The following VWA3B variants were observed in gnomAD, a reference collection of about 807,000 sequenced individuals.
VWA3B encodes von Willebrand factor A domain-containing protein 3B.
VWA3B carries 138 observed loss-of-function variants against 158.3 expected under a neutral mutation model. That is an observed-to-expected ratio of 0.87 (90% CI 0.76 to 1.00). The LOEUF is 1.00. Ranked by LOEUF, VWA3B falls within the 50% of genes least tolerant of loss-of-function variation. The pLI is 0.00. For missense variants in VWA3B, 1,555 were observed against 1,565.1 expected (o/e 0.99, Z 0.11); for synonymous variants, 596 against 587.3 (o/e 1.01, Z -0.21).
intron 21 of VWA3B, among the ~76,000 whole-genome samples, chr2:98,266,034 A>G (rs1687803684): frequency 6.8e-6 from 1 of 147,434 alleles, no homozygotes; most frequent in Non-Finnish European, 1.5e-5. Context: ...GCTGTGCAGA[A>G]GCTCTTTAGT....
At chr2:98,288,625 A>G (rs1689305975) in intron 22 of VWA3B, among the ~76,000 whole-genome samples, 1 of 152,166 alleles carries the variant, frequency 6.6e-6, no homozygotes. Context: ...CATGTTTCAT[A>G]TAGTTCGCTA....
intron 3 of VWA3B, among the ~76,000 whole-genome samples, chr2:98,116,506 T>A (rs576798524): frequency 6.6e-5 from 10 of 152,318 alleles, no homozygotes; most frequent in African/African-American, 1.9e-4. Context: ...TTCATTTTTT[T>A]AAATTCTCTT....
At chr2:98,140,489 G>T (rs1676692201) in intron 7 of VWA3B, among the ~76,000 whole-genome samples, 1 of 152,166 alleles carries the variant, frequency 6.6e-6, no homozygotes, top group African/African-American at 2.4e-5. Context: ...CTGGATCCCT[G>T]CCCCTGTTAC....
chr2:98,124,411 G>A (rs1411533486), intron 5 of VWA3B, among the ~76,000 whole-genome samples: 1 of 152,204 alleles, frequency 6.6e-6, no homozygotes, highest in Non-Finnish European at 1.5e-5. Context: ...GGTGGGGACA[G>A]AGACCCTGAA....
chr2:98,152,899 A>T (rs796854379), intron 7 of VWA3B, among the ~76,000 whole-genome samples: 14 of 152,354 alleles, frequency 9.2e-5, no homozygotes, highest in African/African-American at 3.1e-4. Flanking sequence ...AAGGGAGAAG[A>T]GGAGGCACAT....
downstream of VWA3B, among the ~76,000 whole-genome samples, chr2:98,317,815 C>T (rs557928835): frequency 1.5e-4 from 23 of 152,288 alleles, no homozygotes; most frequent in Admixed American, 1.0e-3. Context: ...GGCTGTGTCA[C>T]GGGCCATGGT....
At chr2:98,268,890 A>G (rs984783222) in intron 21 of VWA3B, among the ~76,000 whole-genome samples, 13 of 151,986 alleles carry the variant, frequency 8.6e-5, no homozygotes, top group African/African-American at 3.1e-4. Flanking sequence ...CCTAAAGAAC[A>G]CCTTCCTATA....
At chr2:98,328,389 T>C in the VWA3B span, among the ~76,000 whole-genome samples, 8 of 152,160 alleles carry the variant, frequency 5.3e-5, no homozygotes, top group East Asian at 1.4e-3. Context: ...GGCATAAAGA[T>C]CAGGAAAAAA....
intron 7 of VWA3B, among the ~76,000 whole-genome samples, chr2:98,155,037 C>T (rs1471273812): frequency 6.6e-6 from 1 of 152,186 alleles, no homozygotes; most frequent in Non-Finnish European, 1.5e-5. Flanking sequence ...GTTCTGTCCT[C>T]AAGGAAGTCA....
intron 20 of VWA3B, among the ~76,000 whole-genome samples, chr2:98,254,846 GTTC>G: frequency 6.6e-6 from 1 of 152,218 alleles, no homozygotes; most frequent in South Asian, 2.1e-4. Context: ...CCCTTTCTGT[GTTC>G]TTACCAGGCT....
chr2:98,277,259 TCCCTAGCA>T (rs1346729563), intron 22 of VWA3B, among the ~76,000 whole-genome samples: 1 of 152,098 alleles, frequency 6.6e-6, no homozygotes, highest in Non-Finnish European at 1.5e-5. Flanking sequence ...AAAACTCCCC[TCCCTAGCA>T]CCCCTCATGT....
intron 5 of VWA3B, among the ~76,000 whole-genome samples, chr2:98,124,005 C>G (rs945819595): frequency 6.6e-6 from 1 of 152,222 alleles, no homozygotes; most frequent in Non-Finnish European, 1.5e-5. Context: ...TTTTTGGTTT[C>G]TTTTAATCAT....
At chr2:98,302,731 T>A (rs1401831275) in intron 25 of VWA3B, among the ~76,000 whole-genome samples, 1 of 152,194 alleles carries the variant, frequency 6.6e-6, no homozygotes, top group African/African-American at 2.4e-5. Context: ...ACAATCTGGC[T>A]CCATGGCCTA....
intron 7 of VWA3B, among the ~76,000 whole-genome samples, chr2:98,146,043 AT>A (rs1309224672): frequency 2.0e-5 from 3 of 150,986 alleles, no homozygotes; most frequent in Non-Finnish European, 4.4e-5. Context: ...CCCTTTCCTA[AT>A]TTTTTTTTAT....
chr2:98,323,509 G>GAA, the VWA3B span, among the ~76,000 whole-genome samples: 8 of 146,712 alleles, frequency 5.5e-5, no homozygotes, highest in African/African-American at 7.5e-5. Flanking sequence ...AAAAGAGAAA[G>GAA]AAAAAAAAAA....
intron 12 of VWA3B, among the ~76,000 whole-genome samples, chr2:98,205,112 T>A (rs1682905737): frequency 6.6e-6 from 1 of 152,128 alleles, no homozygotes; most frequent in Non-Finnish European, 1.5e-5. Context: ...TCTGCCTCAA[T>A]AAATAAATAA....
chr2:98,236,863 C>T, intron 19 of VWA3B, 133 bp downstream of exon 19: 1 of 1,287,040 alleles, frequency 7.8e-7, no homozygotes, highest in East Asian at 2.4e-5. Context: ...TTTGTAAAGG[C>T]AGTAAAAGGG....
intron 23 of VWA3B, chr2:98,291,269 T>A (rs62155284): frequency 0.039 from 5,928 of 152,384 alleles, 167 homozygotes; most frequent in Middle Eastern, 0.075. Flanking sequence ...GAGACTGGGA[T>A]AGCTGGGCCT....
intron 23 of VWA3B, chr2:98,292,075 C>G (rs985408784): frequency 7.2e-6 from 1 of 139,128 alleles, no homozygotes; most frequent in Non-Finnish European, 1.5e-5. Context: ...GAAACCTCAT[C>G]TCTACTAAAA....
Sources: allele counts gnomAD v4.1 joint callset (sites outside exome capture counted in the v4.1 genomes callset), GRCh38; gene constraint gnomAD v4.1.1; transcripts MANE v1.5; gene names NCBI Gene and HGNC (gene_info 2026-07-23, HGNC 2026-07-21).